The following DPP10 variants were observed in gnomAD, a reference collection of about 807,000 sequenced individuals.
DPP10 encodes the protein inactive dipeptidyl peptidase 10.
In DPP10, 33 loss-of-function variants were observed where a neutral mutation model predicts 120.9. That is an observed-to-expected ratio of 0.27 (90% CI 0.21 to 0.37). The LOEUF (loss-of-function observed/expected upper bound fraction) is 0.37. Among genes scored for constraint, DPP10 ranks in the 10% least tolerant of loss-of-function variants. The probability of loss-of-function intolerance (pLI) is 1.00; values close to 1 mark genes in which losing one functional copy is unlikely to be tolerated. For synonymous variants in DPP10, 337 were observed against 326.1 expected (o/e 1.03, Z -0.36); for missense variants, 816 against 942.8 (o/e 0.87, Z 1.76).
chr2:114,906,022 CTTTTA>C (rs1693930569), intron 1 of DPP10, among the ~76,000 whole-genome samples: 1 of 152,022 alleles, frequency 6.6e-6, no homozygotes, highest in South Asian at 2.1e-4. Flanking sequence ...ATCTGAATGT[CTTTTA>C]TTTTATTTTC....
chr2:114,865,850 C>T (rs999067540), intron 1 of DPP10, among the ~76,000 whole-genome samples: 2 of 152,158 alleles, frequency 1.3e-5, no homozygotes, highest in Non-Finnish European at 2.9e-5. Flanking sequence ...CGGTGGTTCA[C>T]ACCTGTAATC....
At chr2:115,265,264 A>G (rs1372585095) in intron 1 of DPP10, among the ~76,000 whole-genome samples, 1 of 101,258 alleles carries the variant, frequency 9.9e-6, no homozygotes, top group African/African-American at 3.2e-5. Context: ...TTGGCTTTGG[A>G]TTCCATATAT....
intron 3 of DPP10, among the ~76,000 whole-genome samples, chr2:115,419,549 C>T (rs1326019519): frequency 6.6e-6 from 1 of 152,126 alleles, no homozygotes. Context: ...GACCCAAACA[C>T]CTCCCACAAA....
At chr2:115,482,257 A>C (rs1269632379) in intron 3 of DPP10, among the ~76,000 whole-genome samples, 1 of 151,700 alleles carries the variant, frequency 6.6e-6, no homozygotes, top group Non-Finnish European at 1.5e-5. Context: ...TGTCTATTTA[A>C]TGTATGTATA....
rs551059947 is a variant in DPP10, at chr2:114,602,670, C to G, written c.60+159832C>G. On this transcript the variant is annotated intron_variant, in intron 1 of 25. Transcript: ENST00000410059. ...AACTGTTAACACCAGAAGGCAAGGG[C>G]AACTTTCACTTTTACACACATAAGG... 1.5e-3 allele frequency among the ~76,000 whole-genome samples: 231 copies of G among 152,088 alleles called. 1 individual carries two copies. Among genetic ancestry groups the G allele is most frequent in the Non-Finnish European group, 2.3e-3 (158 of 67,952 alleles).
intron 1 of DPP10, among the ~76,000 whole-genome samples, chr2:115,199,983 A>G (rs989904558): frequency 2.0e-5 from 3 of 152,170 alleles, no homozygotes; most frequent in Admixed American, 1.3e-4. Context: ...GGAAGTATAT[A>G]AAATATCTGC....
intron 1 of DPP10, among the ~76,000 whole-genome samples, chr2:114,838,145 A>C (rs1198200322): frequency 6.6e-5 from 10 of 152,152 alleles, no homozygotes; most frequent in African/African-American, 2.4e-4. Flanking sequence ...GTCTGTGGCC[A>C]TATCACCTCC....
chr2:115,346,535 T>C (rs2063720478), intron 3 of DPP10, among the ~76,000 whole-genome samples: 1 of 152,162 alleles, frequency 6.6e-6, no homozygotes, highest in Non-Finnish European at 1.5e-5. Flanking sequence ...TGGGTGCCCC[T>C]GTTCATGGTT....
At chr2:115,026,693 T>C (rs940454227) in intron 1 of DPP10, among the ~76,000 whole-genome samples, 1 of 152,016 alleles carries the variant, frequency 6.6e-6, no homozygotes, top group Non-Finnish European at 1.5e-5. Flanking sequence ...TGCACCACCA[T>C]GCCTGGCTAA....
At chr2:114,942,362 C>CAT (rs1194523098) in intron 1 of DPP10, among the ~76,000 whole-genome samples, 1 of 91,226 alleles carries the variant, frequency 1.1e-5, no homozygotes, top group Non-Finnish European at 2.0e-5. Context: ...TATATATATA[C>CAT]ATATATATAC....
At chr2:115,205,562 A>G (rs1005871617) in intron 1 of DPP10, among the ~76,000 whole-genome samples, 4 of 152,206 alleles carry the variant, frequency 2.6e-5, no homozygotes, top group African/African-American at 7.2e-5. Flanking sequence ...GCTCTACCAA[A>G]AAGACACGTG....
At chr2:115,537,666 G>C (rs551643282) in intron 5 of DPP10, among the ~76,000 whole-genome samples, 1 of 146,012 alleles carries the variant, frequency 6.8e-6, no homozygotes, top group African/African-American at 2.5e-5. Flanking sequence ...TAAGTAAAAA[G>C]ATCTTATTCT....
intron 1 of DPP10, among the ~76,000 whole-genome samples, chr2:115,007,613 A>G (rs1701952032): frequency 6.6e-6 from 1 of 151,114 alleles, no homozygotes; most frequent in African/African-American, 2.4e-5. Flanking sequence ...AGGGTATTCA[A>G]TTAGGAAAAG....
chr2:115,458,779 C>G (rs1318030923), intron 3 of DPP10, among the ~76,000 whole-genome samples: 1 of 152,006 alleles, frequency 6.6e-6, no homozygotes, highest in Non-Finnish European at 1.5e-5. Context: ...TGCATTTGTA[C>G]TTTGAATGTA....
At chr2:114,545,224 AAT>A (rs1161621872) in intron 1 of DPP10, among the ~76,000 whole-genome samples, 1 of 152,106 alleles carries the variant, frequency 6.6e-6, no homozygotes, top group Admixed American at 6.5e-5. Context: ...AATAATTGAT[AAT>A]GAGATTTTGT....
intron 1 of DPP10, among the ~76,000 whole-genome samples, chr2:115,178,031 A>G (rs983410331): frequency 3.9e-5 from 6 of 152,138 alleles, no homozygotes; most frequent in African/African-American, 1.4e-4. Flanking sequence ...CCAAAGTGAC[A>G]TTGCTTTTTT....
chr2:115,502,449 T>A lies in DPP10; in HGVS notation c.366+2845T>A, dbSNP rs373313900. 3.3e-5 allele frequency among the ~76,000 whole-genome samples: 5 copies of A among 152,266 alleles called. No homozygotes were observed. In the East Asian group the frequency reaches 9.7e-4, roughly 29 times the overall value. ...AATTTCTAAGTGTTTGGAAATGTTA[T>A]CTCTTAAAGCCAGAACTATTTCAAA... On this transcript the variant is annotated intron_variant, in intron 4 of 25. Transcript: ENST00000410059.
intron 1 of DPP10, among the ~76,000 whole-genome samples, chr2:114,621,026 T>C (rs1573811042): frequency 6.6e-6 from 1 of 152,008 alleles, no homozygotes; most frequent in Non-Finnish European, 1.5e-5. Context: ...CCAGCCAAAA[T>C]ATGGAGACAG....
At chr2:115,010,265 A>C (rs778689996) in intron 1 of DPP10, among the ~76,000 whole-genome samples, 2 of 152,224 alleles carry the variant, frequency 1.3e-5, no homozygotes, top group African/African-American at 2.4e-5. Context: ...AGTCAGGGAG[A>C]TGGAGGCACA....
Sources: gnomAD v4.1 joint callset for allele counts (sites outside exome capture counted in the v4.1 genomes callset) on GRCh38, gnomAD v4.1.1 for gene constraint, MANE v1.5 for transcripts, NCBI Gene and HGNC (gene_info 2026-07-23, HGNC 2026-07-21) for gene names.